Variants in WDR25 observed in about 807,000 individuals in gnomAD.
WDR25 encodes WD repeat-containing protein 25.
Under a neutral mutation model 47.7 loss-of-function variants are expected in WDR25, and 35 were observed. That is an observed-to-expected ratio of 0.73 (90% CI 0.56 to 0.97). WDR25 has a LOEUF of 0.97. Ranked by LOEUF, WDR25 falls within the 50% of genes least tolerant of loss-of-function variation. The pLI is 0.00. For missense variants in WDR25, 634 were observed against 704.7 expected (o/e 0.90, Z 1.14); for synonymous variants, 248 against 278.9 (o/e 0.89, Z 1.10).
chr14:100,514,092 C>T (rs958934875), intron 4 of WDR25, among the ~76,000 whole-genome samples: 6 of 151,912 alleles, frequency 3.9e-5, no homozygotes, highest in African/African-American at 9.7e-5. Context: ...CCCGCCACCA[C>T]GCCCGGCTAA....
At chr14:100,512,325 A>G (rs1447580014) in intron 4 of WDR25, among the ~76,000 whole-genome samples, 1 of 152,158 alleles carries the variant, frequency 6.6e-6, no homozygotes, top group Non-Finnish European at 1.5e-5. Context: ...GTGACTTTTG[A>G]TAGCTTGTGC....
At chr14:100,413,790 A>G (rs1897785852) in intron 2 of WDR25, among the ~76,000 whole-genome samples, 1 of 152,208 alleles carries the variant, frequency 6.6e-6, no homozygotes, top group African/African-American at 2.4e-5. Context: ...AGAATGAAAT[A>G]TGTAAATGGA....
intron 4 of WDR25, chr14:100,504,378 T>G (rs889051813): frequency 6.6e-6 from 1 of 152,254 alleles, no homozygotes; most frequent in Non-Finnish European, 1.5e-5. Flanking sequence ...ACTTATTTAT[T>G]GGGTAATAAA....
Position 100,380,943 on chromosome 14 carries a change from T to A in WDR25, c.19T>A (p.Ser7Thr), listed in dbSNP as rs764999916. MTARTL[S>T]LMASLVAYDD... ...GCTTTGAATGACAGCAAGAACTCTGTCTTTAATGGCTTCATTGGTAGCGTA... is the reference window on the plus strand; with the variant it reads ...GCTTTGAATGACAGCAAGAACTCTGACTTTAATGGCTTCATTGGTAGCGTA... Residue 7 changes from serine to threonine, a missense_variant, in exon 2 of 7, where the codon TCT becomes ACT. Ser to Thr is a moderately conservative substitution (Grantham distance 58). Transcript: ENST00000402312. 1 of 1,613,618 alleles carries A rather than the reference T, an allele frequency of 6.2e-7. No homozygotes were observed. The highest frequency in any genetic ancestry group is 1.7e-5 in the Admixed American group (1 of 60,014).
At chr14:100,510,471 C>G (rs2140362334) in intron 4 of WDR25, among the ~76,000 whole-genome samples, 1 of 151,808 alleles carries the variant, frequency 6.6e-6, no homozygotes, top group African/African-American at 2.4e-5. Flanking sequence ...CACAGTGGTT[C>G]ACGCCTGTAA....
intron 2 of WDR25, among the ~76,000 whole-genome samples, chr14:100,436,237 T>A (rs1898495363): frequency 6.6e-6 from 1 of 152,074 alleles, no homozygotes; most frequent in Admixed American, 6.5e-5. Context: ...TTCAGAGAAG[T>A]GAAGCGCTTA....
chr14:100,520,025 A>G (rs890246184), intron 4 of WDR25, among the ~76,000 whole-genome samples: 7 of 146,308 alleles, frequency 4.8e-5, no homozygotes, highest in Non-Finnish European at 9.0e-5. Context: ...ATATATACAC[A>G]TTGATCATTT....
Position 100,430,205 on chromosome 14 carries a change from A to C in WDR25, c.823-37816A>C, listed in dbSNP as rs1035785373. The stretch of plus-strand genomic sequence containing the variant: ...GTGTGTTCCCGGGAAGGCACATCCT[A>C]AGCTTGGCCTGCTGGCTCTGGCTGG... On this transcript the variant is annotated intron_variant, in intron 2 of 6. Coordinates refer to ENST00000402312, the MANE Select transcript of WDR25 (RefSeq NM_001161476.3). This position sits in a 1 kb window ranked among gnomAD's most constrained non-coding sequence, Gnocchi z 4.7. 6.7e-6 allele frequency among the ~76,000 whole-genome samples: 1 copy of C among 150,364 alleles called. No individual in the cohort carries two copies. Among genetic ancestry groups the C allele is most frequent in the Non-Finnish European group, 1.5e-5 (1 of 67,768 alleles).
intron 2 of WDR25, among the ~76,000 whole-genome samples, chr14:100,402,994 G>A (rs1031069888): frequency 6.6e-6 from 1 of 152,090 alleles, no homozygotes; most frequent in Non-Finnish European, 1.5e-5. Context: ...GCTTCATTAC[G>A]TTCTTGACCC....
rs752890007 is a variant in WDR25 at position 100,502,755 on chromosome 14, A to G, written c.1101+18631A>G. Among the ~76,000 whole-genome samples, 3 of 152,200 alleles carry G rather than the reference A, an allele frequency of 2.0e-5. No individual in the cohort carries two copies. Among genetic ancestry groups the G allele is most frequent in the Non-Finnish European group, 4.4e-5 (3 of 68,034 alleles). Reference sequence around the variant, plus strand: ...TGAAAGACTCACAGAAGAAGGAGCTAATGATTTTGCTTGCCACATTGGGAG... The same window carrying G: ...TGAAAGACTCACAGAAGAAGGAGCTGATGATTTTGCTTGCCACATTGGGAG... On this transcript the variant is annotated intron_variant, in intron 4 of 6. Transcript: ENST00000402312. This position sits in a 1 kb window ranked among gnomAD's most constrained non-coding sequence, Gnocchi z 4.5.
chr14:100,451,535 G>A (rs1022874733), intron 2 of WDR25, among the ~76,000 whole-genome samples: 2 of 152,162 alleles, frequency 1.3e-5, no homozygotes, highest in African/African-American at 4.8e-5. Flanking sequence ...ATTCTTACGT[G>A]AGCTGTTAGA....
chr14:100,417,595 C>G (rs1458950704), intron 2 of WDR25, among the ~76,000 whole-genome samples: 1 of 152,226 alleles, frequency 6.6e-6, no homozygotes, highest in Non-Finnish European at 1.5e-5. Flanking sequence ...AGGGAGAGAG[C>G]TGCCTGAGCA....
rs373017185 is a variant in WDR25 at position 100,434,641 on chromosome 14, C to T, written c.823-33380C>T. The stretch of plus-strand genomic sequence containing the variant: ...TCCCCAATCTTAGGGATTTTCTCTT[C>T]CCTCCCTTTTGTGTGAACCACGGAC... On this transcript the variant is annotated intron_variant, in intron 2 of 6. Coordinates refer to ENST00000402312, the MANE Select transcript of WDR25 (RefSeq NM_001161476.3). Among the ~76,000 whole-genome samples, 314 of 152,216 alleles carry T rather than the reference C, an allele frequency of 2.1e-3. 2 individuals carry two copies. The highest frequency in any genetic ancestry group is 7.3e-3 in the African/African-American group (303 of 41,538).
chr14:100,453,815 C>G (rs76419490), intron 2 of WDR25, among the ~76,000 whole-genome samples: 7,722 of 152,288 alleles, frequency 0.051, 629 homozygotes, highest in African/African-American at 0.18. Context: ...GCTCTTAATC[C>G]TTTTTGCTTT....
rs539865366 is a variant in WDR25, at chr14:100,392,728, G to A, written c.822+10982G>A. Among the ~76,000 whole-genome samples, 9 of 152,120 alleles carry A rather than the reference G, an allele frequency of 5.9e-5. No individual in the cohort carries two copies. Among genetic ancestry groups the A allele is most frequent in the Non-Finnish European group, 1.0e-4 (7 of 68,030 alleles). On this transcript the variant is annotated intron_variant, in intron 2 of 6. Coordinates refer to ENST00000402312, the MANE Select transcript of WDR25 (RefSeq NM_001161476.3). The surrounding 1 kb of genome is among the most constrained non-coding windows in gnomAD (Gnocchi z 4.2). ...CGTCAATTTTCACTGGTTCCATGACGCTCTATCGAGTTGATTAACTGTAAT... is the reference window on the plus strand; with the variant it reads ...CGTCAATTTTCACTGGTTCCATGACACTCTATCGAGTTGATTAACTGTAAT...
intron 2 of WDR25, among the ~76,000 whole-genome samples, chr14:100,382,362 A>G (rs920860281): frequency 2.6e-5 from 4 of 152,044 alleles, no homozygotes; most frequent in Non-Finnish European, 4.4e-5. Flanking sequence ...ATGGGGGCAG[A>G]AGGGCGTGCT....
At chr14:100,453,026 C>G (rs1899088535) in intron 2 of WDR25, among the ~76,000 whole-genome samples, 1 of 151,756 alleles carries the variant, frequency 6.6e-6, no homozygotes, top group Non-Finnish European at 1.5e-5. Context: ...GCCACAGAGG[C>G]AAGGAGAAGT....
chr14:100,387,931 G>A (rs546797788), intron 2 of WDR25, among the ~76,000 whole-genome samples: 22 of 152,334 alleles, frequency 1.4e-4, no homozygotes, highest in African/African-American at 5.1e-4. Flanking sequence ...ACAGGATCCT[G>A]TTGATTTATC....
In WDR25 at chr14:100,445,054, A is replaced by T. The variant is rs896913648; in HGVS notation, c.823-22967A>T. 2.6e-5 allele frequency among the ~76,000 whole-genome samples: 4 copies of T among 152,244 alleles called. No individual in the cohort carries two copies. The South Asian group carries it at 6.2e-4, about 24-fold the overall frequency. On this transcript the variant is annotated intron_variant, in intron 2 of 6. Transcript: ENST00000402312. ...GGGGTGTCTGACCCTGAAGTCCCCC[A>T]TGGAACTGGGCCTCTGTGTTCTTGC... is the stretch of plus-strand genomic sequence containing the variant.
Sources: allele counts gnomAD v4.1 joint callset (sites outside exome capture counted in the v4.1 genomes callset), GRCh38; gene constraint gnomAD v4.1.1; non-coding constraint Gnocchi (gnomAD v3.1); transcripts MANE v1.5; gene names NCBI Gene and HGNC (gene_info 2026-07-23, HGNC 2026-07-21).